Variants in KCNMA1 observed in about 807,000 individuals in gnomAD.
KCNMA1 encodes Calcium-activated potassium channel subunit alpha-1.
KCNMA1 carries 29 observed loss-of-function variants against 140.0 expected under a neutral mutation model. The ratio of observed to expected loss-of-function variants is 0.21; its 90% confidence interval spans 0.15 to 0.28. The LOEUF (loss-of-function observed/expected upper bound fraction) is 0.28. KCNMA1 is among the 10% of genes least tolerant of loss of function. The pLI is 1.00. For synonymous variants in KCNMA1, 612 were observed against 611.9 expected, an observed-to-expected ratio of 1.00 and a Z score of 0.00; for missense variants, 880 against 1,602.2, an observed-to-expected ratio of 0.55 and a Z score of 7.70.
Position 77,254,222 on chromosome 10 carries a change from CTCT to C in KCNMA1, c.541-2969_541-2967del, listed in dbSNP as rs1182577225. Among the ~76,000 whole-genome samples the C allele has an allele frequency of 1.2e-4, 11 of 92,544 alleles. No individual in the cohort carries two copies. In the South Asian group the frequency reaches 4.9e-3, roughly 41 times the overall value. 60.7% of individuals were successfully genotyped at this position (92,544 alleles called of 152,430 possible). A position where few individuals can be genotyped will look rare whatever the true frequency, so the allele number is the denominator to read the frequency against. On this transcript the variant is annotated intron_variant, in intron 2 of 27. Coordinates refer to ENST00000286628, the MANE Select transcript of KCNMA1 (RefSeq NM_001161352.2). ...AGGCCACTTGGAGTCATGAAATATA[CTCT>C]TTTTTTTTTTTTTTTAGACAGATCC...
intron 2 of KCNMA1, among the ~76,000 whole-genome samples, chr10:77,323,682 A>G (rs2083017461): frequency 6.6e-6 from 1 of 152,234 alleles, no homozygotes. Context: ...AACTGAAGAT[A>G]AGTTACATTG....
intron 19 of KCNMA1, among the ~76,000 whole-genome samples, chr10:76,998,954 G>A (rs2153393249): frequency 6.6e-6 from 1 of 152,330 alleles, no homozygotes; most frequent in Admixed American, 6.5e-5. Flanking sequence ...TTGTTTGATG[G>A]AGTGATGACG....
At chr10:77,547,532 C>T (rs375401906) in intron 1 of KCNMA1, among the ~76,000 whole-genome samples, 79 of 152,310 alleles carry the variant, frequency 5.2e-4, no homozygotes, top group African/African-American at 1.8e-3. Context: ...GCTGCCCAAC[C>T]GGGCCCACCT....
chr10:77,017,780 C>G (rs536277604), intron 17 of KCNMA1, among the ~76,000 whole-genome samples: 22 of 152,252 alleles, frequency 1.4e-4, no homozygotes, highest in Middle Eastern at 6.8e-3. Flanking sequence ...TCCTCACTAG[C>G]AGTATGGCTT....
At chr10:76,949,469 T>A (rs2065419091) in intron 21 of KCNMA1, 103 bp from the exon 22 acceptor site, 1 of 949,344 alleles carries the variant, frequency 1.1e-6, no homozygotes, top group Non-Finnish European at 1.7e-6. Flanking sequence ...AAATATTTGC[T>A]GAGAGCTTAC....
At chr10:77,236,684 A>G (rs1686734607) in intron 3 of KCNMA1, among the ~76,000 whole-genome samples, 1 of 152,276 alleles carries the variant, frequency 6.6e-6, no homozygotes, top group Non-Finnish European at 1.5e-5. Flanking sequence ...ATACGTTTAT[A>G]CAGTATATAT....
At chr10:77,000,857 A>AATATAT (rs56359933) in intron 19 of KCNMA1, among the ~76,000 whole-genome samples, 831 of 36,126 alleles carry the variant, frequency 0.023, 14 homozygotes, top group South Asian at 0.026. Context: ...GTAAAAAGAA[A>AATATAT]ATATATATAT....
At chr10:76,882,429 G>C (rs760173838), downstream of KCNMA1, among the ~76,000 whole-genome samples, 1 of 152,032 alleles carries the variant, frequency 6.6e-6, no homozygotes, top group African/African-American at 2.4e-5. Flanking sequence ...TTCCTGTCCC[G>C]CGCTTGTGAT....
At chr10:77,130,785 T>C (rs1282681121) in intron 5 of KCNMA1, among the ~76,000 whole-genome samples, 1 of 152,058 alleles carries the variant, frequency 6.6e-6, no homozygotes, top group Non-Finnish European at 1.5e-5. Flanking sequence ...GAAACTGACT[T>C]GGCATACATA....
intron 12 of KCNMA1, among the ~76,000 whole-genome samples, chr10:77,082,007 CTTTTTTTTTTT>C (rs201288668): frequency 5.8e-4 from 19 of 32,508 alleles, no homozygotes; most frequent in Admixed American, 4.4e-3. Context: ...TTTTTCTTTT[CTTTTTTTTTTT>C]TTTTTTTTTT....
chr10:77,152,383 G>T (rs966565874), intron 5 of KCNMA1, among the ~76,000 whole-genome samples: 2 of 151,860 alleles, frequency 1.3e-5, no homozygotes, highest in Non-Finnish European at 2.9e-5. Flanking sequence ...CTGAGAAAAG[G>T]ATTTGATTAC....
At chr10:77,199,535 T>C (rs915113393) in intron 3 of KCNMA1, among the ~76,000 whole-genome samples, 4 of 152,224 alleles carry the variant, frequency 2.6e-5, no homozygotes, top group African/African-American at 7.2e-5. Context: ...AATGAGTTAG[T>C]AAACGTGAAC....
At chr10:77,020,140 ATG>A (rs1270370299) in intron 16 of KCNMA1, 1 of 152,196 alleles carries the variant, frequency 6.6e-6, no homozygotes, top group Non-Finnish European at 1.5e-5. Context: ...TTCTGAAAAG[ATG>A]TTGCTTAATA....
chr10:77,149,449 G>C (rs2098379571), intron 5 of KCNMA1, among the ~76,000 whole-genome samples: 1 of 152,170 alleles, frequency 6.6e-6, no homozygotes, highest in Non-Finnish European at 1.5e-5. Context: ...TGTGTGACTT[G>C]TCTCCTTCTT....
At chr10:77,607,976 G>T (rs1186377851) in intron 1 of KCNMA1, among the ~76,000 whole-genome samples, 1 of 152,070 alleles carries the variant, frequency 6.6e-6, no homozygotes, top group Non-Finnish European at 1.5e-5. Flanking sequence ...GTAACATATT[G>T]TCATCCTCTT....
At chr10:77,388,878 G>A (rs2095709195) in intron 2 of KCNMA1, among the ~76,000 whole-genome samples, 2 of 152,158 alleles carry the variant, frequency 1.3e-5, no homozygotes, top group Non-Finnish European at 2.9e-5. Flanking sequence ...CAACAACTGA[G>A]CCCCCAACAC....
intron 1 of KCNMA1, among the ~76,000 whole-genome samples, chr10:77,442,040 A>G (rs1013132047): frequency 5.9e-5 from 9 of 152,116 alleles, no homozygotes; most frequent in Non-Finnish European, 1.2e-4. Flanking sequence ...TGCTGGGGTC[A>G]CTCACAGTTC....
At chr10:77,520,160 A>AGTGTGAGGG (rs1567298029) in intron 1 of KCNMA1, among the ~76,000 whole-genome samples, 3 of 2,198 alleles carry the variant, frequency 1.4e-3, no homozygotes, top group African/African-American at 3.6e-3. Flanking sequence ...GAGGTCTGGC[A>AGTGTGAGGG]TATGCAGTGT....
Position 77,491,714 on chromosome 10 carries a change from T to TACACACAC in KCNMA1, c.379-87699_379-87692dup, listed in dbSNP as rs3071912. On this transcript the variant is annotated intron_variant, in intron 1 of 27. Transcript: ENST00000286628. ...TGGGGGGAAATGGGTTTAGAAGTCATACACACACACACACACACACACACA... is the reference window on the plus strand; with the variant it reads ...TGGGGGGAAATGGGTTTAGAAGTCATACACACACACACACACACACACACACACACACA... Among the ~76,000 whole-genome samples, 212 of 145,574 alleles carry TACACACAC rather than the reference T, an allele frequency of 1.5e-3. 1 individual carries two copies. The highest frequency in any genetic ancestry group is 3.5e-3 in the Middle Eastern group (1 of 282).
Sources: allele counts gnomAD v4.1 joint callset (sites outside exome capture counted in the v4.1 genomes callset), GRCh38; gene constraint gnomAD v4.1.1; transcripts MANE v1.5; gene names NCBI Gene and HGNC (gene_info 2026-07-23, HGNC 2026-07-21).